Variants in RAI14 observed in about 807,000 individuals in gnomAD.
The protein encoded by RAI14 is ankycorbin.
In RAI14, 45 loss-of-function variants were observed where a neutral mutation model predicts 115.4. That is an observed-to-expected ratio of 0.39 (90% CI 0.31 to 0.50). The LOEUF (loss-of-function observed/expected upper bound fraction) is 0.50. Among genes scored for constraint, RAI14 ranks in the 20% least tolerant of loss-of-function variants. The pLI is 0.85. For missense variants in RAI14, 939 were observed against 1,131.2 expected, an observed-to-expected ratio of 0.83 and a Z score of 2.44; for synonymous variants, 371 against 415.4, an observed-to-expected ratio of 0.89 and a Z score of 1.30.
intron 3 of RAI14, among the ~76,000 whole-genome samples, chr5:34,769,200 G>A (rs777129480): frequency 2.0e-5 from 3 of 152,016 alleles, no homozygotes; most frequent in Non-Finnish European, 4.4e-5. Context: ...GCAGGGAAAG[G>A]CAACAAATGT....
At chr5:34,717,747 G>A (rs1053601344) in intron 2 of RAI14, among the ~76,000 whole-genome samples, 1 of 151,964 alleles carries the variant, frequency 6.6e-6, no homozygotes, top group African/African-American at 2.4e-5. Flanking sequence ...CCCTGTGAAT[G>A]TGAGGGCAAA....
chr5:34,829,380 G>A (rs1453238047), intron 16 of RAI14, among the ~76,000 whole-genome samples: 2 of 152,040 alleles, frequency 1.3e-5, no homozygotes, highest in Admixed American at 1.3e-4. Context: ...TAGAGACGGG[G>A]TTTCACCATG....
At chr5:34,752,557 G>A (rs1170303993) in intron 2 of RAI14, among the ~76,000 whole-genome samples, 4 of 151,938 alleles carry the variant, frequency 2.6e-5, no homozygotes, top group Non-Finnish European at 5.9e-5. Flanking sequence ...ACCAGGAAAG[G>A]GTGGAGAGGG....
chr5:34,746,709 T>G (rs1231172689), intron 2 of RAI14, among the ~76,000 whole-genome samples: 1 of 152,154 alleles, frequency 6.6e-6, no homozygotes, highest in African/African-American at 2.4e-5. Context: ...CTGACTCCTT[T>G]GCTTGCCCCA....
intron 1 of RAI14, among the ~76,000 whole-genome samples, chr5:34,670,523 T>C (rs1743540506): frequency 6.6e-6 from 1 of 152,208 alleles, no homozygotes; most frequent in African/African-American, 2.4e-5. Context: ...GTGGCTGTTA[T>C]TATCATTGCT....
chr5:34,713,925 C>T (rs1332031540), intron 2 of RAI14, among the ~76,000 whole-genome samples: 3 of 152,162 alleles, frequency 2.0e-5, no homozygotes, highest in Non-Finnish European at 2.9e-5. Context: ...CCTGCCTCAG[C>T]CTCTGAGTAG....
intron 2 of RAI14, among the ~76,000 whole-genome samples, chr5:34,696,338 G>C (rs1003316373): frequency 6.6e-5 from 10 of 151,978 alleles, no homozygotes; most frequent in Admixed American, 2.6e-4. Flanking sequence ...GGGTTTCACT[G>C]TGTTAGCCAG....
At chr5:34,731,551 G>T (rs1010710075) in intron 2 of RAI14, among the ~76,000 whole-genome samples, 1 of 152,182 alleles carries the variant, frequency 6.6e-6, no homozygotes, top group Non-Finnish European at 1.5e-5. Context: ...GCCTGGATAT[G>T]TGGAGGCTGT....
chr5:34,789,142 G>A (rs1404489446), intron 3 of RAI14, among the ~76,000 whole-genome samples: 1 of 152,078 alleles, frequency 6.6e-6, no homozygotes, highest in Non-Finnish European at 1.5e-5. Flanking sequence ...TGCTGGCCTT[G>A]GGCACCATCT....
intron 2 of RAI14, among the ~76,000 whole-genome samples, chr5:34,739,561 A>C (rs1745247230): frequency 6.6e-6 from 1 of 152,188 alleles, no homozygotes; most frequent in South Asian, 2.1e-4. Context: ...GAGACATAAA[A>C]AGGATATTTT....
At chr5:34,762,029 A>T (rs1748717796) in intron 3 of RAI14, among the ~76,000 whole-genome samples, 1 of 152,206 alleles carries the variant, frequency 6.6e-6, no homozygotes, top group African/African-American at 2.4e-5. Context: ...GAGTACAGTA[A>T]AGCTCCCTAA....
chr5:34,687,560 G>C, intron 2 of RAI14: 1 of 1,434,436 alleles, frequency 7.0e-7, no homozygotes, highest in Middle Eastern at 1.8e-4. Flanking sequence ...AGGAGAAGAG[G>C]GAGAAAAACA....
At chr5:34,777,563 T>C (rs1422467161) in intron 3 of RAI14, among the ~76,000 whole-genome samples, 1 of 152,124 alleles carries the variant, frequency 6.6e-6, no homozygotes, top group Non-Finnish European at 1.5e-5. Flanking sequence ...GTGGATCTTC[T>C]GAGGTCAGGA....
chr5:34,803,884 T>C, intron 5 of RAI14, 108 bp downstream of exon 5: 1 of 983,584 alleles, frequency 1.0e-6, no homozygotes, highest in Non-Finnish European at 1.5e-6. Flanking sequence ...CTTTAAATAC[T>C]GTCCCCAAAC....
Position 34,708,972 on chromosome 5 carries a change from ATC to A in RAI14, c.36+22021_36+22022del, listed in dbSNP as rs569597837. Among the ~76,000 whole-genome samples, 7 of 151,412 alleles carry A rather than the reference ATC, an allele frequency of 4.6e-5. No individual in the cohort carries two copies. In the East Asian group the frequency reaches 1.2e-3, roughly 25 times the overall value. On this transcript the variant is annotated intron_variant, in intron 2 of 17. Coordinates refer to ENST00000265109, the MANE Select transcript of RAI14 (RefSeq NM_015577.3). ...AGTCTGGGCAACATAGCAAGACCCT[ATC>A]TCTATAAAAACTTTAGAAGATAACT...
intron 1 of RAI14, among the ~76,000 whole-genome samples, chr5:34,665,176 C>CATATACAT (rs1422204699): frequency 5.7e-5 from 1 of 17,680 alleles, no homozygotes; most frequent in African/African-American, 2.0e-4. Flanking sequence ...TATATATACA[C>CATATACAT]ACATATATAT....
intron 2 of RAI14, among the ~76,000 whole-genome samples, chr5:34,744,306 T>A (rs891971020): frequency 3.9e-5 from 6 of 152,234 alleles, no homozygotes; most frequent in African/African-American, 1.4e-4. Context: ...AGCTTGCTAT[T>A]CACAGAGGCC....
At chr5:34,814,455 A>G (rs918592565) in intron 11 of RAI14, 128 bp from the exon 12 acceptor site, 2 of 663,800 alleles carry the variant, frequency 3.0e-6, no homozygotes, top group Non-Finnish European at 5.3e-6. Flanking sequence ...CCGTGAATTA[A>G]TTGATGCCAA....
intron 7 of RAI14, among the ~76,000 whole-genome samples, chr5:34,809,245 C>G (rs7702657): frequency 0.61 from 93,309 of 151,984 alleles, 28,834 homozygotes; most frequent in Admixed American, 0.67. Context: ...TATTATTTTC[C>G]CATCACTCTA....
Sources: gnomAD v4.1 joint callset for allele counts (sites outside exome capture counted in the v4.1 genomes callset) on GRCh38, gnomAD v4.1.1 for gene constraint, MANE v1.5 for transcripts, NCBI Gene and HGNC (gene_info 2026-07-23, HGNC 2026-07-21) for gene names.